The following PLCH1 variants were observed in gnomAD, a reference collection of about 807,000 sequenced individuals.
The protein encoded by PLCH1 is phospholipase C eta 1, also known as 1-phosphatidylinositol 4,5-bisphosphate phosphodiesterase eta-1.
Under a neutral mutation model 126.7 loss-of-function variants are expected in PLCH1, and 60 were observed. The observed-to-expected ratio is 0.47, with a 90% CI of 0.38 to 0.59. PLCH1 has a LOEUF of 0.59. Ranked by LOEUF, PLCH1 falls within the 20% of genes least tolerant of loss-of-function variation. PLCH1 has a pLI of 0.00. For synonymous variants in PLCH1, 719 were observed against 734.9 expected (o/e 0.98, Z 0.35); for missense variants, 1,723 against 2,040.0 (o/e 0.84, Z 2.99).
Position 155,506,159 on chromosome 3 carries a change from C to A in PLCH1, c.1633-1533G>T, listed in dbSNP as rs113320694. On this transcript the variant is annotated intron_variant, in intron 12 of 22. Transcript: ENST00000460012. ...ATATATTCTCATTTACTATGCATAACCAACCCTGGGAATAAGTATAATTAA... is the reference window on the plus strand; with the variant it reads ...ATATATTCTCATTTACTATGCATAAACAACCCTGGGAATAAGTATAATTAA... 4.9e-4 allele frequency among the ~76,000 whole-genome samples: 74 copies of A among 152,044 alleles called. 1 individual carries two copies. The highest frequency in any genetic ancestry group is 1.7e-3 in the African/African-American group (71 of 41,460).
chr3:155,501,555 G>A (rs991816466), intron 13 of PLCH1, among the ~76,000 whole-genome samples: 1 of 152,136 alleles, frequency 6.6e-6, no homozygotes, highest in Non-Finnish European at 1.5e-5. Flanking sequence ...CACTTTGGGG[G>A]GCTGAGGTGG....
rs193290292 is a variant in PLCH1, at chr3:155,589,422, C to T, written c.471-3228G>A. Among the ~76,000 whole-genome samples, 636 of 152,168 alleles carry T rather than the reference C, an allele frequency of 4.2e-3. 5 individuals carry two copies. Among genetic ancestry groups the T allele is most frequent in the Middle Eastern group, 6.8e-3 (2 of 294 alleles). ...CTAATTTCAAGTAATTTTCACAGGT[C>T]ACAAAATGTTTTTCTTTTGATTTTT... On this transcript the variant is annotated intron_variant, in intron 4 of 22. Transcript: ENST00000460012.
intron 1 of PLCH1, among the ~76,000 whole-genome samples, chr3:155,714,479 C>T (rs1405302763): frequency 6.6e-6 from 1 of 152,184 alleles, no homozygotes; most frequent in African/African-American, 2.4e-5. Context: ...TGTTAAAGGC[C>T]TCTGCAAACA....
intron 10 of PLCH1, among the ~76,000 whole-genome samples, chr3:155,530,430 C>A (rs1035523110): frequency 6.6e-6 from 1 of 151,838 alleles, no homozygotes; most frequent in Non-Finnish European, 1.5e-5. Flanking sequence ...CATTCTCCTG[C>A]CTCAGCCTCC....
intron 2 of PLCH1, among the ~76,000 whole-genome samples, chr3:155,619,782 C>G (rs73874882): frequency 2.6e-5 from 4 of 151,812 alleles, no homozygotes; most frequent in African/African-American, 7.3e-5. Context: ...CAACCACAGA[C>G]AGTTGGAAAT....
Position 155,546,444 on chromosome 3 carries a change from A to G in PLCH1, c.1362+3343T>C, listed in dbSNP as rs372931713. On this transcript the variant is annotated intron_variant, in intron 10 of 22. Transcript: ENST00000460012. ...CTCATGGGTAGGAAGAATCAATATCATAAAAATGGCCATACTGCCCAAGGT... is the reference window on the plus strand; with the variant it reads ...CTCATGGGTAGGAAGAATCAATATCGTAAAAATGGCCATACTGCCCAAGGT... 2.1e-3 allele frequency among the ~76,000 whole-genome samples: 317 copies of G among 151,974 alleles called. 7 individuals are homozygous for G. The East Asian group carries it at 0.022, about 11-fold the overall frequency.
Position 155,455,716 on chromosome 3 carries a change from C to G in PLCH1, c.2938+29640G>C, listed in dbSNP as rs9814697. 4.8e-3 allele frequency among the ~76,000 whole-genome samples: 738 copies of G among 152,274 alleles called. 4 individuals are homozygous for G. The highest frequency in any genetic ancestry group is 0.01 in the Middle Eastern group (3 of 294). On this transcript the variant is annotated intron_variant, in intron 21 of 21. Coordinates refer to the PLCH1 transcript ENST00000494598. ...GGCAAAGCTGTTTCTTTTGAAGAGG[C>G]TTTGTTTCCTAATTAAGCACACAGA...
At chr3:155,485,211 C>T (rs1576793635) in intron 22 of PLCH1, 145 bp downstream of exon 22, 1 of 580,932 alleles carries the variant, frequency 1.7e-6, no homozygotes. Context: ...TTAAAATCTT[C>T]TGGTCTGGAA....
chr3:155,561,342 T>C (rs1464831505), intron 8 of PLCH1, among the ~76,000 whole-genome samples: 1 of 141,634 alleles, frequency 7.1e-6, no homozygotes, highest in East Asian at 2.2e-4. Context: ...GTCCATGTGC[T>C]CTCATTGTTC....
intron 2 of PLCH1, among the ~76,000 whole-genome samples, chr3:155,656,660 G>A (rs1162155736): frequency 6.6e-6 from 1 of 152,180 alleles, no homozygotes; most frequent in Non-Finnish European, 1.5e-5. Context: ...GAGTATGTGT[G>A]TGCCTGTGTG....
At chr3:155,728,627 G>C (rs986865489) in intron 1 of PLCH1, among the ~76,000 whole-genome samples, 1 of 152,132 alleles carries the variant, frequency 6.6e-6, no homozygotes, top group Non-Finnish European at 1.5e-5. Context: ...AACAGAGGGA[G>C]AGAGAGAGAA....
intron 21 of PLCH1, chr3:155,486,012 TCAGG>T (rs1173388886): frequency 1.6e-6 from 1 of 644,852 alleles, no homozygotes; most frequent in African/African-American, 1.8e-5. Context: ...GCTATGAACT[TCAGG>T]CGCCTTAAAG....
In PLCH1 at chr3:155,482,328, C is replaced by T; in HGVS notation, c.3698G>A (p.Gly1233Asp). 1 of 1,614,192 alleles carries T rather than the reference C, an allele frequency of 6.2e-7. No homozygotes were observed. The highest frequency in any genetic ancestry group is 2.2e-5 in the East Asian group (1 of 44,892). Residue 1233 changes from glycine (G) to aspartate (D), a missense_variant, in exon 23 of 23, where the codon GGT becomes GAT. Transcript: ENST00000460012. ...SLGLKMPIKHGFCKGKSKSSF... is the reference protein window; with the variant it reads ...SLGLKMPIKHDFCKGKSKSSF... ...AGACTTGGATTTTCCCTTGCAAAAA[C>T]CATGCTTGATGGGCATTTTTAGGCC...
chr3:155,473,572 CTACTT>C (rs1372560917), intron 21 of PLCH1, among the ~76,000 whole-genome samples: 20 of 151,332 alleles, frequency 1.3e-4, no homozygotes, highest in Admixed American at 1.3e-3. Context: ...TTGGAAAAAA[CTACTT>C]TAAAGTTCAT....
At chr3:155,713,365 G>A (rs984511597) in intron 1 of PLCH1, among the ~76,000 whole-genome samples, 13 of 152,216 alleles carry the variant, frequency 8.5e-5, no homozygotes, top group Non-Finnish European at 1.6e-4. Flanking sequence ...GAGATGATCA[G>A]AGCAAAGTGT....
intron 18 of PLCH1, among the ~76,000 whole-genome samples, chr3:155,492,498 A>G (rs1156631481): frequency 1.3e-5 from 2 of 152,332 alleles, no homozygotes; most frequent in East Asian, 3.9e-4. Flanking sequence ...GCTAGTGTCA[A>G]CCTTAAATTG....
At chr3:155,595,462 C>T (rs1732866643) in intron 3 of PLCH1, among the ~76,000 whole-genome samples, 2 of 152,164 alleles carry the variant, frequency 1.3e-5, no homozygotes, top group Admixed American at 1.3e-4. Context: ...GGAAATGAGC[C>T]TATGCTCAGC....
intron 11 of PLCH1, among the ~76,000 whole-genome samples, chr3:155,520,919 A>T (rs6440995): frequency 0.39 from 59,991 of 152,104 alleles, 15,299 homozygotes; most frequent in African/African-American, 0.72. Context: ...TTAAACCGCT[A>T]GCTTAAAAGT....
At chr3:155,569,112 A>C (rs1416182366) in intron 6 of PLCH1, among the ~76,000 whole-genome samples, 1 of 152,190 alleles carries the variant, frequency 6.6e-6, no homozygotes, top group Non-Finnish European at 1.5e-5. Flanking sequence ...AATTTGCTAC[A>C]TGAACAATAT....
Sources: gnomAD v4.1 joint callset for allele counts (sites outside exome capture counted in the v4.1 genomes callset) on GRCh38, gnomAD v4.1.1 for gene constraint, MANE v1.5 for transcripts, NCBI Gene and HGNC (gene_info 2026-07-23, HGNC 2026-07-21) for gene names.